The following RAP1A variants were observed in gnomAD, a reference collection of about 807,000 sequenced individuals.
The protein encoded by RAP1A is RAP1A, member of RAS oncogene family.
Under a neutral mutation model 26.4 loss-of-function variants are expected in RAP1A, and 6 were observed. That is an observed-to-expected ratio of 0.23 (90% CI 0.12 to 0.45). The LOEUF (loss-of-function observed/expected upper bound fraction) is 0.45, where lower values mean the gene tolerates loss of function less well. RAP1A is among the 20% of genes least tolerant of loss of function. The probability of loss-of-function intolerance (pLI) is 0.99; values close to 1 mark genes in which losing one functional copy is unlikely to be tolerated. For missense variants in RAP1A, 121 were observed against 217.2 expected, an observed-to-expected ratio of 0.56 and a Z score of 2.78; for synonymous variants, 73 against 79.4, an observed-to-expected ratio of 0.92 and a Z score of 0.43.
intron 1 of RAP1A, among the ~76,000 whole-genome samples, chr1:111,584,613 TG>T (rs1465101183): frequency 6.6e-6 from 1 of 152,098 alleles, no homozygotes; most frequent in African/African-American, 2.4e-5. Flanking sequence ...CATATGCATG[TG>T]GGGGGACACT....
In RAP1A at chr1:111,709,188, C is replaced by G. The variant is rs1454839597; in HGVS notation, c.508C>G (p.Pro170Ala). 1 of 1,613,404 alleles carries G rather than the reference C, an allele frequency of 6.2e-7. No individual in the cohort carries two copies. Among genetic ancestry groups the G allele is most frequent in the Non-Finnish European group, 8.5e-7 (1 of 1,179,802 alleles). The change falls in exon 7 of 8, where the codon CCA (proline) becomes GCA (alanine). Residue 170 changes from proline to alanine, a missense_variant. Pro to Ala is a conservative substitution (Grantham distance 27, BLOSUM62 -1). Transcript: ENST00000369709. ...DLVRQINRKTPVEKKKPKKKS... is the reference protein window; with the variant it reads ...DLVRQINRKTAVEKKKPKKKS... Reference sequence around the variant, plus strand: ...GGTCAGACAGATAAATAGGAAAACACCAGTGGAAAAGAAGAAGCCTAAAAA... The same window carrying G: ...GGTCAGACAGATAAATAGGAAAACAGCAGTGGAAAAGAAGAAGCCTAAAAA...
chr1:111,677,894 A>G (rs1455574265), intron 1 of RAP1A, among the ~76,000 whole-genome samples: 2 of 151,472 alleles, frequency 1.3e-5, no homozygotes, highest in Admixed American at 1.3e-4. Context: ...GACCAGGATC[A>G]TTGATTGAGA....
At chr1:111,616,833 T>C (rs1245045332), upstream of RAP1A, among the ~76,000 whole-genome samples, 2 of 152,172 alleles carry the variant, frequency 1.3e-5, no homozygotes, top group East Asian at 1.9e-4. Context: ...CTCAGCACTG[T>C]CCATGCTAAG....
chr1:111,700,100 C>T (rs572192067), intron 4 of RAP1A, among the ~76,000 whole-genome samples: 1 of 152,270 alleles, frequency 6.6e-6, no homozygotes, highest in South Asian at 2.1e-4. Flanking sequence ...TGGAGGACCT[C>T]AGGGTTCAAT....
intron 6 of RAP1A, 126 bp downstream of exon 6, chr1:111,704,612 A>C: frequency 9.9e-7 from 1 of 1,005,278 alleles, no homozygotes; most frequent in Non-Finnish European, 1.4e-6. Flanking sequence ...TATAGGAAAC[A>C]CTAAGTAATT....
chr1:111,590,230 T>A lies in RAP1A; in HGVS notation c.-28+47721T>A, dbSNP rs371827842. On this transcript the variant is annotated intron_variant, in intron 1 of 7. Coordinates refer to the RAP1A transcript ENST00000356415. ...CACATTGATTGTGAATACTGTAGTT[T>A]GTTTCTTCCTTTCAAATCCTTAGGC... 7.2e-5 allele frequency among the ~76,000 whole-genome samples: 11 copies of A among 152,348 alleles called. No homozygotes were observed. The South Asian group carries it at 1.0e-3, about 14-fold the overall frequency.
intron 1 of RAP1A, among the ~76,000 whole-genome samples, chr1:111,595,136 T>C (rs1252434169): frequency 6.6e-6 from 1 of 152,236 alleles, no homozygotes; most frequent in Non-Finnish European, 1.5e-5. Flanking sequence ...CCACTATGTT[T>C]TGGACATTAA....
intron 1 of RAP1A, among the ~76,000 whole-genome samples, chr1:111,671,823 A>G (rs1660985871): frequency 1.3e-5 from 2 of 152,224 alleles, no homozygotes. Flanking sequence ...TTTAGTTCAA[A>G]TTGTTTAATT....
intron 1 of RAP1A, chr1:111,649,441 G>GC: frequency 2.8e-6 from 1 of 356,986 alleles, no homozygotes; most frequent in Non-Finnish European, 5.5e-6. Context: ...GGGAACCAGA[G>GC]CCCCCAGCAC....
chr1:111,593,560 C>T (rs1001451107), intron 1 of RAP1A, among the ~76,000 whole-genome samples: 5 of 150,496 alleles, frequency 3.3e-5, no homozygotes, highest in Admixed American at 6.7e-5. Context: ...GGATGAGGCT[C>T]TGCTGAGAGA....
chr1:111,589,779 A>AGTGGTGGTGTGGAGTGCAG (rs1313860658), intron 1 of RAP1A, among the ~76,000 whole-genome samples: 3 of 152,046 alleles, frequency 2.0e-5, no homozygotes, highest in Non-Finnish European at 4.4e-5. Flanking sequence ...TGGTGCTATC[A>AGTGGTGGTGTGGAGTGCAG]TGGCTCACTG....
chr1:111,584,662 A>C (rs535352393), intron 1 of RAP1A, among the ~76,000 whole-genome samples: 2 of 152,162 alleles, frequency 1.3e-5, no homozygotes, highest in African/African-American at 4.8e-5. Flanking sequence ...GAAGAAACAA[A>C]CAGCCTCTCG....
intron 1 of RAP1A, among the ~76,000 whole-genome samples, chr1:111,623,982 T>C (rs764705653): frequency 6.6e-6 from 1 of 152,236 alleles, no homozygotes; most frequent in East Asian, 1.9e-4. Context: ...AATCTCGTGA[T>C]TCTAAAATTC....
At chr1:111,625,553 A>G (rs1469901703) in intron 1 of RAP1A, among the ~76,000 whole-genome samples, 1 of 152,210 alleles carries the variant, frequency 6.6e-6, no homozygotes, top group Admixed American at 6.5e-5. Flanking sequence ...ATTTATCAGT[A>G]GGATCATTCT....
intron 1 of RAP1A, among the ~76,000 whole-genome samples, chr1:111,547,153 G>A (rs888300183): frequency 2.6e-5 from 4 of 152,096 alleles, no homozygotes; most frequent in Non-Finnish European, 5.9e-5. Flanking sequence ...AGTGAGAATA[G>A]TAATTTTCTT....
At chr1:111,549,543 G>A (rs35869405) in intron 1 of RAP1A, among the ~76,000 whole-genome samples, 1 of 151,668 alleles carries the variant, frequency 6.6e-6, no homozygotes, top group Non-Finnish European at 1.5e-5. Flanking sequence ...CCAGCTACTA[G>A]GGAGGCTGAG....
chr1:111,684,946 T>TGGAAC (rs1362108855), intron 1 of RAP1A, among the ~76,000 whole-genome samples: 6 of 151,982 alleles, frequency 3.9e-5, no homozygotes, highest in African/African-American at 1.5e-4. Flanking sequence ...CATAGACCAA[T>TGGAAC]GGAACAGAAC....
At chr1:111,592,835 C>G (rs1658493936) in intron 1 of RAP1A, among the ~76,000 whole-genome samples, 1 of 152,138 alleles carries the variant, frequency 6.6e-6, no homozygotes. Flanking sequence ...TCTGCACGCC[C>G]CCATTTCCTC....
exon 1 of RAP1A, chr1:111,542,398 T>A (rs1383051495): frequency 8.4e-6 from 2 of 236,700 alleles, no homozygotes; most frequent in African/African-American, 2.3e-5. Flanking sequence ...GGAAGCTGCC[T>A]GAGGACCTCC....
Sources: gnomAD v4.1 joint callset for allele counts (sites outside exome capture counted in the v4.1 genomes callset) on GRCh38, gnomAD v4.1.1 for gene constraint, MANE v1.5 for transcripts, NCBI Gene and HGNC (gene_info 2026-07-23, HGNC 2026-07-21) for gene names.